DAB1: variants seen among roughly 807,000 people sequenced by gnomAD.
DAB1 encodes the protein DAB adaptor protein 1.
Under a neutral mutation model 64.6 loss-of-function variants are expected in DAB1, and 15 were observed. That is an observed-to-expected ratio of 0.23 (90% CI 0.16 to 0.36). The LOEUF (loss-of-function observed/expected upper bound fraction) is 0.36. DAB1 is among the 10% of genes least tolerant of loss of function. The pLI is 1.00. For missense variants in DAB1, 596 were observed against 706.7 expected (o/e 0.84, Z 1.78); for synonymous variants, 235 against 251.9 (o/e 0.93, Z 0.64).
intron 6 of DAB1, among the ~76,000 whole-genome samples, chr1:57,708,672 C>A (rs1646994354): frequency 6.6e-6 from 1 of 152,192 alleles, no homozygotes; most frequent in Non-Finnish European, 1.5e-5. Flanking sequence ...AGGCTCCTGT[C>A]CTGGGTGCCA....
At chr1:58,323,671 G>T (rs72669803) in intron 4 of DAB1, among the ~76,000 whole-genome samples, 1 of 151,980 alleles carries the variant, frequency 6.6e-6, no homozygotes, top group East Asian at 1.9e-4. Flanking sequence ...AGACTTAGCC[G>T]CACTTTGGGA....
chr1:58,085,971 T>C (rs1650277867), intron 5 of DAB1, among the ~76,000 whole-genome samples: 1 of 141,824 alleles, frequency 7.1e-6, no homozygotes, highest in South Asian at 2.4e-4. Context: ...TTTTTTTTTT[T>C]TTTTTTTTTT....
At position 57,570,506 on chromosome 1, in the gene DAB1, G is replaced by A. The variant is rs1362680772; in HGVS notation, n.625+79086C>T. On this transcript the variant is annotated intron_variant and non_coding_transcript_variant, in intron 7 of 20. Coordinates refer to the DAB1 transcript ENST00000485760. ...ACTGTAAGTATTTGGCTTTATTCTG[G>A]GTTCTCTTTCTGTTCCATTGGTCTG... is the stretch of plus-strand genomic sequence containing the variant. 2.6e-5 allele frequency among the ~76,000 whole-genome samples: 4 copies of A among 151,856 alleles called. No homozygotes were observed. In the East Asian group the frequency reaches 7.7e-4, roughly 29 times the overall value.
intron 6 of DAB1, among the ~76,000 whole-genome samples, chr1:57,710,124 T>C (rs1451732259): frequency 6.6e-6 from 1 of 152,160 alleles, no homozygotes; most frequent in African/African-American, 2.4e-5. Context: ...TATTGGGTGT[T>C]TAATGTTTTT....
intron 4 of DAB1, among the ~76,000 whole-genome samples, chr1:58,186,345 T>A (rs551256956): frequency 7.2e-5 from 11 of 152,348 alleles, no homozygotes; most frequent in Non-Finnish European, 1.5e-4. Flanking sequence ...CTTTCTGAGA[T>A]TTTGTGAGCC....
chr1:57,411,028 G>A (rs1316356428), intron 1 of DAB1, among the ~76,000 whole-genome samples: 2 of 152,126 alleles, frequency 1.3e-5, no homozygotes, highest in African/African-American at 4.8e-5. Flanking sequence ...AATAATTTGG[G>A]GAGAAAGAGT....
chr1:57,700,885 T>C (rs1446795741), intron 6 of DAB1, among the ~76,000 whole-genome samples: 2 of 152,206 alleles, frequency 1.3e-5, no homozygotes, highest in African/African-American at 2.4e-5. Context: ...TGCTTTCTTT[T>C]TTTCCTCTGA....
At chr1:57,631,188 T>C (rs1401514227) in intron 7 of DAB1, among the ~76,000 whole-genome samples, 1 of 152,178 alleles carries the variant, frequency 6.6e-6, no homozygotes, top group African/African-American at 2.4e-5. Context: ...GGGATGGTCA[T>C]GGAAGGAAGG....
intron 9 of DAB1, among the ~76,000 whole-genome samples, chr1:57,027,573 G>T (rs1430318705): frequency 6.6e-6 from 1 of 152,132 alleles, no homozygotes; most frequent in African/African-American, 2.4e-5. Flanking sequence ...GGGTATATTT[G>T]GATTCTACCA....
At chr1:58,542,990 T>TTA (rs372514731) in intron 1 of DAB1, among the ~76,000 whole-genome samples, 7,385 of 145,070 alleles carry the variant, frequency 0.051, 222 homozygotes, top group African/African-American at 0.065. Context: ...AAAGCTTTTT[T>TTA]AAAAAAAAAA....
At chr1:58,106,920 TTTCC>T (rs972513606) in intron 5 of DAB1, among the ~76,000 whole-genome samples, 2 of 136,820 alleles carry the variant, frequency 1.5e-5, no homozygotes, top group African/African-American at 5.5e-5. Flanking sequence ...TTCCTCCTCC[TTTCC>T]TTCCTTCCTT....
At chr1:58,415,852 C>T (rs1644714526) in intron 3 of DAB1, among the ~76,000 whole-genome samples, 1 of 152,194 alleles carries the variant, frequency 6.6e-6, no homozygotes, top group Admixed American at 6.5e-5. Context: ...CTGCCACCAA[C>T]TGAATGTTGC....
intron 9 of DAB1, chr1:57,033,500 C>A: frequency 1.2e-6 from 2 of 1,612,742 alleles, no homozygotes; most frequent in South Asian, 2.2e-5. Flanking sequence ...AAACAGTTAA[C>A]CAGAGAGGGC....
At chr1:58,351,066 A>G (rs1354084232) in intron 3 of DAB1, among the ~76,000 whole-genome samples, 1 of 152,154 alleles carries the variant, frequency 6.6e-6, no homozygotes, top group African/African-American at 2.4e-5. Flanking sequence ...CATTTTCATG[A>G]TAATTGATTC....
chr1:57,018,363 C>T (rs535820353), intron 11 of DAB1, among the ~76,000 whole-genome samples: 2 of 152,294 alleles, frequency 1.3e-5, no homozygotes, highest in South Asian at 4.1e-4. Flanking sequence ...GTATATACAT[C>T]TGACTCTTAT....
At chr1:57,087,115 C>T (rs1653163878) in intron 4 of DAB1, among the ~76,000 whole-genome samples, 4 of 152,176 alleles carry the variant, frequency 2.6e-5, no homozygotes, top group African/African-American at 9.7e-5. Context: ...GATGTTTCAT[C>T]CATTGTCCTT....
intron 7 of DAB1, among the ~76,000 whole-genome samples, chr1:57,432,478 A>T (rs1685553505): frequency 6.6e-6 from 1 of 152,234 alleles, no homozygotes; most frequent in Non-Finnish European, 1.5e-5. Context: ...CTGGAAAAAA[A>T]ATGCTTTCCC....
At chr1:58,150,631 T>C (rs943925982) in intron 4 of DAB1, 3 of 151,328 alleles carry the variant, frequency 2.0e-5, no homozygotes, top group Non-Finnish European at 2.9e-5. Flanking sequence ...GGAGGCTCAC[T>C]TTCCTGTACC....
At chr1:57,103,828 C>T (rs933668837) in intron 4 of DAB1, among the ~76,000 whole-genome samples, 9 of 152,058 alleles carry the variant, frequency 5.9e-5, no homozygotes, top group Non-Finnish European at 8.8e-5. Flanking sequence ...AAGGACTAAG[C>T]GGGGAACCCA....
Sources: allele counts gnomAD v4.1 joint callset (sites outside exome capture counted in the v4.1 genomes callset), GRCh38; gene constraint gnomAD v4.1.1; transcripts MANE v1.5; gene names NCBI Gene and HGNC (gene_info 2026-07-23, HGNC 2026-07-21).